Variants in L3MBTL4 observed in about 807,000 individuals in gnomAD.
The protein encoded by L3MBTL4 is L3MBTL histone methyl-lysine binding protein 4.
In L3MBTL4, 70 loss-of-function variants were observed where a neutral mutation model predicts 84.5. That is an observed-to-expected ratio of 0.83 (90% CI 0.68 to 1.01). L3MBTL4 has a LOEUF of 1.01. L3MBTL4 is among the 50% of genes least tolerant of loss of function. The pLI is 0.00. For synonymous variants in L3MBTL4, 274 were observed against 259.8 expected (o/e 1.05, Z -0.52); for missense variants, 715 against 754.8 (o/e 0.95, Z 0.62).
intron 16 of L3MBTL4, among the ~76,000 whole-genome samples, chr18:6,037,162 C>A (rs886628429): frequency 2.0e-5 from 3 of 149,502 alleles, no homozygotes; most frequent in Non-Finnish European, 4.5e-5. Context: ...GAAGACAAGA[C>A]CCTTTTTGCC....
chr18:5,956,283 C>T lies in L3MBTL4; in HGVS notation c.1782G>A (p.Met594Ile). Reference sequence around the variant, plus strand: ...CAGGGAGTTCCTGGGAATGCCTGAACATCAGGATAGAGTTGTAAATCTTCA... The same window carrying T: ...CAGGGAGTTCCTGGGAATGCCTGAATATCAGGATAGAGTTGTAAATCTTCA... ...PALKIYNSIL[M>I]FRHSQELPEE... The change falls in exon 19 of 19, where the codon ATG becomes ATA. Residue 594 changes from methionine to isoleucine, a missense_variant. By Grantham distance (10) the Met-to-Ile change is conservative. Transcript: ENST00000317931. 1 of 1,614,048 alleles carries T rather than the reference C, an allele frequency of 6.2e-7. No homozygotes were observed. The highest frequency in any genetic ancestry group is 8.5e-7 in the Non-Finnish European group (1 of 1,179,920).
chr18:6,058,728 C>T lies in L3MBTL4; in HGVS notation c.1444+22153G>A, dbSNP rs1338853679. On this transcript the variant is annotated intron_variant, in intron 16 of 18. Coordinates refer to ENST00000317931, the MANE Select transcript of L3MBTL4 (RefSeq NM_001330559.2). ...GAGAGAACTGCTTTACTTTGGGGGG[C>T]ATCCTCTACACCCATAAATAATCCG... 2.6e-5 allele frequency among the ~76,000 whole-genome samples: 4 copies of T among 152,112 alleles called. No individual in the cohort carries two copies. The East Asian group carries it at 7.7e-4, about 29-fold the overall frequency.
intron 1 of L3MBTL4, among the ~76,000 whole-genome samples, chr18:6,313,468 T>C (rs2050935262): frequency 6.6e-6 from 1 of 152,272 alleles, no homozygotes; most frequent in African/African-American, 2.4e-5. Context: ...ATGATATTTA[T>C]GTCCTTAAGA....
chr18:6,268,099 C>T (rs755940637), intron 4 of L3MBTL4, among the ~76,000 whole-genome samples: 7 of 152,174 alleles, frequency 4.6e-5, no homozygotes, highest in Non-Finnish European at 1.0e-4. Flanking sequence ...TACAATCATG[C>T]CTTGCCATAA....
chr18:5,969,767 C>G (rs1289705085), intron 16 of L3MBTL4, among the ~76,000 whole-genome samples: 2 of 152,204 alleles, frequency 1.3e-5, no homozygotes, highest in Non-Finnish European at 2.9e-5. Flanking sequence ...ACAGATGTTA[C>G]CCATGCCCAG....
At chr18:6,273,576 G>A (rs922694193) in intron 4 of L3MBTL4, among the ~76,000 whole-genome samples, 45 of 147,332 alleles carry the variant, frequency 3.1e-4, no homozygotes, top group African/African-American at 1.1e-3. Flanking sequence ...TTCTCCAACA[G>A]CTCATGACAG....
intron 16 of L3MBTL4, among the ~76,000 whole-genome samples, chr18:6,032,902 G>A (rs1474846938): frequency 2.0e-5 from 3 of 152,092 alleles, no homozygotes; most frequent in Admixed American, 6.6e-5. Context: ...ATAATATTCC[G>A]TTGTATGTAT....
chr18:6,262,040 T>C (rs2048427066), intron 5 of L3MBTL4, among the ~76,000 whole-genome samples: 1 of 152,118 alleles, frequency 6.6e-6, no homozygotes, highest in South Asian at 2.1e-4. Context: ...CAGGTGTGAC[T>C]CCTAAGCCAC....
chr18:6,054,922 C>T (rs1240273538), intron 16 of L3MBTL4, among the ~76,000 whole-genome samples: 1 of 152,220 alleles, frequency 6.6e-6, no homozygotes, highest in African/African-American at 2.4e-5. Flanking sequence ...CAGCTTCCCT[C>T]TGCTTCACTT....
rs143143670 is a variant in L3MBTL4, at chr18:6,229,974, A to G, written c.784+7990T>C. On this transcript the variant is annotated intron_variant, in intron 10 of 18. Transcript: ENST00000317931. ...TATTCAGGGTCCCTTGAGAGTCAAT[A>G]TAAATTTTAGGATGGATTTTTCTTT... Among the ~76,000 whole-genome samples, 121 of 152,286 alleles carry G rather than the reference A, an allele frequency of 7.9e-4. 1 individual carries two copies. The highest frequency in any genetic ancestry group is 1.5e-3 in the Non-Finnish European group (102 of 68,012).
At chr18:5,994,740 G>T (rs572126145) in intron 16 of L3MBTL4, among the ~76,000 whole-genome samples, 220 of 152,252 alleles carry the variant, frequency 1.4e-3, no homozygotes, top group Non-Finnish European at 2.7e-3. Context: ...CCAAGCAGGG[G>T]CCCCAATACT....
At chr18:6,000,675 T>C (rs535217493) in intron 16 of L3MBTL4, among the ~76,000 whole-genome samples, 1 of 152,312 alleles carries the variant, frequency 6.6e-6, no homozygotes, top group Admixed American at 6.5e-5. Context: ...GTGAATGTAC[T>C]TGAATCTATA....
At chr18:6,341,884 T>C (rs2052624198) in intron 1 of L3MBTL4, among the ~76,000 whole-genome samples, 1 of 148,736 alleles carries the variant, frequency 6.7e-6, no homozygotes, top group African/African-American at 2.5e-5. Flanking sequence ...AGTTTGAAAG[T>C]AGTAAGAGAA....
At chr18:6,241,773 GTAC>G (rs2047461939) in intron 7 of L3MBTL4, among the ~76,000 whole-genome samples, 1 of 152,172 alleles carries the variant, frequency 6.6e-6, no homozygotes, top group African/African-American at 2.4e-5. Flanking sequence ...TACGGAGTCA[GTAC>G]TCTGGTGGCC....
chr18:5,955,055 A>G lies in L3MBTL4; in HGVS notation c.*1165T>C, dbSNP rs2095219498. 6.6e-6 allele frequency: 1 copy of G among 152,142 alleles called. No homozygotes were observed. Among genetic ancestry groups the G allele is most frequent in the Non-Finnish European group, 1.5e-5 (1 of 68,016 alleles). 9.4% of individuals were successfully genotyped at this position (152,142 alleles called of 1,614,324 possible). A position where few individuals can be genotyped will look rare whatever the true frequency, so the allele number is the denominator to read the frequency against. On this transcript the variant is annotated 3_prime_UTR_variant, in exon 19 of 19. Coordinates refer to ENST00000317931, the MANE Select transcript of L3MBTL4 (RefSeq NM_001330559.2). ...TCTCCCTCTTTCTCCCCACCCACAAATGGTGTCCCTCCACTTCTGGGAGAG... is the reference window on the plus strand; with the variant it reads ...TCTCCCTCTTTCTCCCCACCCACAAGTGGTGTCCCTCCACTTCTGGGAGAG...
chr18:6,208,252 T>C (rs111342735), intron 12 of L3MBTL4, among the ~76,000 whole-genome samples: 114 of 152,322 alleles, frequency 7.5e-4, no homozygotes, highest in African/African-American at 2.6e-3. Flanking sequence ...ATCTGGACTT[T>C]TGTTTTGCAT....
chr18:6,306,476 T>TGC (rs2050590944), intron 3 of L3MBTL4, among the ~76,000 whole-genome samples: 6 of 152,216 alleles, frequency 3.9e-5, no homozygotes, highest in African/African-American at 1.4e-4. Flanking sequence ...GCATCAGTCT[T>TGC]CTATGAGGCA....
chr18:6,247,413 T>C (rs913952596), intron 5 of L3MBTL4, among the ~76,000 whole-genome samples: 1 of 151,612 alleles, frequency 6.6e-6, no homozygotes, highest in African/African-American at 2.4e-5. Flanking sequence ...ACTGTGTCAT[T>C]GTCTTGTATA....
intron 16 of L3MBTL4, chr18:6,030,660 G>A (rs760179105): frequency 1.4e-5 from 13 of 933,740 alleles, no homozygotes; most frequent in East Asian, 1.2e-4. Context: ...CACCACACCC[G>A]GCTAATTTTT....
Sources: gnomAD v4.1 joint callset for allele counts (sites outside exome capture counted in the v4.1 genomes callset) on GRCh38, gnomAD v4.1.1 for gene constraint, MANE v1.5 for transcripts, NCBI Gene and HGNC (gene_info 2026-07-23, HGNC 2026-07-21) for gene names.